MYO18A: variants seen among roughly 807,000 people sequenced by gnomAD.
The protein encoded by MYO18A is unconventional myosin-XVIIIa.
Under a neutral mutation model 235.8 loss-of-function variants are expected in MYO18A, and 78 were observed. The observed-to-expected ratio is 0.33, with a 90% CI of 0.28 to 0.40. The LOEUF is 0.40. MYO18A is among the 10% of genes least tolerant of loss of function. The probability of loss-of-function intolerance (pLI) is 1.00; values close to 1 mark genes in which losing one functional copy is unlikely to be tolerated. For synonymous variants in MYO18A, 977 were observed against 1,077.8 expected, an observed-to-expected ratio of 0.91 and a Z score of 1.83; for missense variants, 2,215 against 2,699.3, an observed-to-expected ratio of 0.82 and a Z score of 3.98.
At position 29,074,176 on chromosome 17, in the gene MYO18A, GA is replaced by G; in HGVS notation, c.*593del. 1.2e-6 allele frequency: 2 copies of G among 1,608,440 alleles called. No homozygotes were observed. The highest frequency in any genetic ancestry group is 1.7e-6 in the Non-Finnish European group (2 of 1,176,456). ...CTGCACAGAGAAAGGACTGCTCTCT[GA>G]AGGGTGAAGATGGAGATGACATTCC... is the stretch of plus-strand genomic sequence containing the variant. On this transcript the variant is annotated 3_prime_UTR_variant, in exon 42 of 42. Coordinates refer to ENST00000527372, the MANE Select transcript of MYO18A (RefSeq NM_078471.4). The surrounding 1 kb of genome is among the most constrained non-coding windows in gnomAD (Gnocchi z 4.4).
rs1336045425 is a variant in MYO18A, at chr17:29,099,730, C to T, written c.3540G>A (p.Leu1180=). Residue 1180 remains leucine (L), a synonymous_variant, in exon 22 of 42, where the codon CTG becomes CTA. Coordinates refer to ENST00000527372, the MANE Select transcript of MYO18A (RefSeq NM_078471.4). ...TGGTTTGTTCATCCCGCTGCTCCTC[C>T]AGCCGTGCCAAGGTGCCCGCCCGGA... ...VFFRAGTLAR[L]EEQRDEQTSR... The T allele has an allele frequency of 1.9e-6, 3 of 1,613,450 alleles. No homozygotes were observed. Among genetic ancestry groups the T allele is most frequent in the Admixed American group, 3.3e-5 (2 of 60,002 alleles).
chr17:29,108,781 A>G (rs2066855180), intron 19 of MYO18A, among the ~76,000 whole-genome samples: 1 of 150,362 alleles, frequency 6.7e-6, no homozygotes, highest in African/African-American at 2.5e-5. Context: ...GCAGGTCTGG[A>G]CGCCTGGCAT....
chr17:29,174,277 G>A (rs1209130120), intron 1 of MYO18A, among the ~76,000 whole-genome samples: 1 of 152,116 alleles, frequency 6.6e-6, no homozygotes, highest in African/African-American at 2.4e-5. Flanking sequence ...AGGCCAAGGC[G>A]GGAGGACTGC....
Position 29,111,701 on chromosome 17 carries a change from C to G in MYO18A, c.2740+21G>C. On this transcript the variant is annotated intron_variant, in intron 16 of 41. Coordinates refer to ENST00000527372, the MANE Select transcript of MYO18A (RefSeq NM_078471.4). This position sits in a 1 kb window ranked among gnomAD's most constrained non-coding sequence, Gnocchi z 5.1. The stretch of plus-strand genomic sequence containing the variant: ...TATGTAAGAGGAAGCAGAGGAGCTA[C>G]CCTCTAGGGATGCCACCTACCTTTT... 6.2e-7 allele frequency: 1 copy of G among 1,613,122 alleles called. No individual in the cohort carries two copies. The highest frequency in any genetic ancestry group is 8.5e-7 in the Non-Finnish European group (1 of 1,179,536).
intron 1 of MYO18A, among the ~76,000 whole-genome samples, chr17:29,172,863 C>T (rs66634575): frequency 0.18 from 27,950 of 152,146 alleles, 2,521 homozygotes; most frequent in East Asian, 0.28. Flanking sequence ...TATGGACAGG[C>T]AATTTGTAGG....
intron 41 of MYO18A, chr17:29,077,329 C>T (rs1372263645): frequency 6.6e-6 from 1 of 152,288 alleles, no homozygotes; most frequent in East Asian, 1.9e-4. Context: ...TTCCTCCTCA[C>T]AAGCCAGCGT....
chr17:29,112,216 C>T (rs1463743330), intron 15 of MYO18A, among the ~76,000 whole-genome samples: 1 of 152,218 alleles, frequency 6.6e-6, no homozygotes, highest in Non-Finnish European at 1.5e-5. Flanking sequence ...ATGAACCCCA[C>T]ATTGCTCTCA....
chr17:29,098,789 C>G, intron 23 of MYO18A, 37 bp downstream of exon 23: 1 of 1,612,204 alleles, frequency 6.2e-7, no homozygotes, highest in Non-Finnish European at 8.5e-7. Context: ...AGGCTTCCCC[C>G]TACCCAGAGA....
At chr17:29,164,562 G>A (rs1400977168) in intron 2 of MYO18A, among the ~76,000 whole-genome samples, 1 of 152,120 alleles carries the variant, frequency 6.6e-6, no homozygotes, top group South Asian at 2.1e-4. Flanking sequence ...CCTCCCATTA[G>A]CACTTCCTCC....
chr17:29,077,307 T>C (rs1385638740), intron 41 of MYO18A: 1 of 152,266 alleles, frequency 6.6e-6, no homozygotes, highest in East Asian at 1.9e-4. Flanking sequence ...AACCAAATTG[T>C]TTAAAAAAGC....
At chr17:29,105,288 G>C (rs796804088) in intron 20 of MYO18A, among the ~76,000 whole-genome samples, 2 of 152,200 alleles carry the variant, frequency 1.3e-5, no homozygotes, top group African/African-American at 4.8e-5. Flanking sequence ...GGCAGCCATG[G>C]GCAGTGAGGG....
chr17:29,174,768 C>T (rs771099074), intron 1 of MYO18A, among the ~76,000 whole-genome samples: 3 of 151,952 alleles, frequency 2.0e-5, no homozygotes, highest in Non-Finnish European at 4.4e-5. Context: ...GCCGAGATCA[C>T]GCCATTGCAG....
chr17:29,124,687 A>C, intron 2 of MYO18A: 2 of 1,284,304 alleles, frequency 1.6e-6, no homozygotes, highest in Non-Finnish European at 2.0e-6. Context: ...CTCAGAGTCC[A>C]GCTACCGACA....
At chr17:29,093,178 C>T in intron 32 of MYO18A, 145 bp downstream of exon 32, 1 of 1,070,224 alleles carries the variant, frequency 9.3e-7, no homozygotes. Context: ...GTGATGCCCC[C>T]ATCCCACAAG....
At chr17:29,156,421 G>A (rs921450036) in intron 2 of MYO18A, among the ~76,000 whole-genome samples, 11 of 152,324 alleles carry the variant, frequency 7.2e-5, no homozygotes, top group Middle Eastern at 3.4e-3. Context: ...GCTCCTGGAT[G>A]CCCACAGAGC....
intron 2 of MYO18A, among the ~76,000 whole-genome samples, chr17:29,163,899 T>C (rs920901712): frequency 2.0e-5 from 3 of 152,220 alleles, no homozygotes; most frequent in African/African-American, 7.2e-5. Flanking sequence ...GCTTCTGTTA[T>C]TGTTTTTGAG....
At chr17:29,133,847 GT>G in intron 2 of MYO18A, 2 of 1,289,342 alleles carry the variant, frequency 1.6e-6, no homozygotes, top group Non-Finnish European at 2.0e-6. Context: ...GGCGCTGAAG[GT>G]AACCTGTGCC....
chr17:29,121,477 G>T lies in MYO18A; in HGVS notation c.1371+70C>A. On this transcript the variant is annotated intron_variant, in intron 5 of 41. Transcript: ENST00000527372. The surrounding 1 kb of genome is among the most constrained non-coding windows in gnomAD (Gnocchi z 4.2). ...GACAGGAGCCCAGTGGGGTGCCACA[G>T]GGGAAGGGCAGAGAGCCAGGGCAGG... 1 of 1,467,062 alleles carries T rather than the reference G, an allele frequency of 6.8e-7. No individual in the cohort carries two copies. The allele number at this position is 1,467,062 out of a possible 1,614,324, so 90.9% of individuals were successfully genotyped here.
Position 29,109,838 on chromosome 17 carries a change from G to C in MYO18A, c.3331+20C>G. On this transcript the variant is annotated intron_variant, in intron 19 of 41. Coordinates refer to ENST00000527372, the MANE Select transcript of MYO18A (RefSeq NM_078471.4). The surrounding 1 kb of genome is among the most constrained non-coding windows in gnomAD (Gnocchi z 4.1). ...GCTCTGGAAAAGAGAGCCCAGAGTG[G>C]AGAGGAAAGGAGGCCCCACCTTGGC... 1 of 1,546,322 alleles carries C rather than the reference G, an allele frequency of 6.5e-7. No individual in the cohort carries two copies. The highest frequency in any genetic ancestry group is 8.7e-7 in the Non-Finnish European group (1 of 1,143,320).
Sources: allele counts gnomAD v4.1 joint callset (sites outside exome capture counted in the v4.1 genomes callset), GRCh38; gene constraint gnomAD v4.1.1; non-coding constraint Gnocchi (gnomAD v3.1); transcripts MANE v1.5; gene names NCBI Gene and HGNC (gene_info 2026-07-23, HGNC 2026-07-21).